The following RBMS1 variants were observed in gnomAD, a reference collection of about 807,000 sequenced individuals.
RBMS1 encodes the protein RNA-binding motif, single-stranded-interacting protein 1.
RBMS1 carries 17 observed loss-of-function variants against 62.3 expected under a neutral mutation model. The ratio of observed to expected loss-of-function variants is 0.27; its 90% CI spans 0.19 to 0.41. RBMS1 has a LOEUF of 0.41. RBMS1 is among the 10% of genes least tolerant of loss of function. The probability of loss-of-function intolerance (pLI) is 1.00; values close to 1 mark genes in which losing one functional copy is unlikely to be tolerated. For synonymous variants in RBMS1, 172 were observed against 170.0 expected (o/e 1.01, Z -0.09); for missense variants, 334 against 504.5 (o/e 0.66, Z 3.24).
intron 2 of RBMS1, among the ~76,000 whole-genome samples, chr2:160,336,088 CA>C (rs1438755262): frequency 6.6e-6 from 1 of 152,038 alleles, no homozygotes; most frequent in Non-Finnish European, 1.5e-5. Flanking sequence ...CACACACTAT[CA>C]AATTGGCAAA....
At chr2:160,412,366 G>A (rs957177177) in intron 1 of RBMS1, among the ~76,000 whole-genome samples, 6 of 152,118 alleles carry the variant, frequency 3.9e-5, no homozygotes, top group African/African-American at 1.4e-4. Context: ...AGGTTGGAAG[G>A]GTTATAAGCC....
chr2:160,400,618 TA>T (rs1205117574), intron 1 of RBMS1, among the ~76,000 whole-genome samples: 1 of 152,158 alleles, frequency 6.6e-6, no homozygotes, highest in African/African-American at 2.4e-5. Flanking sequence ...TCCTGAAAAG[TA>T]ATCTAGAATA....
chr2:160,391,630 T>G (rs1174431560), intron 1 of RBMS1, among the ~76,000 whole-genome samples: 1 of 152,194 alleles, frequency 6.6e-6, no homozygotes, highest in Non-Finnish European at 1.5e-5. Flanking sequence ...TACCATGGCC[T>G]TCTGTCTCAC....
intron 2 of RBMS1, among the ~76,000 whole-genome samples, chr2:160,349,140 C>T (rs1692344791): frequency 6.6e-6 from 1 of 152,074 alleles, no homozygotes; most frequent in Admixed American, 6.6e-5. Flanking sequence ...TTCCGAGGCT[C>T]AGCCAGGCAC....
chr2:160,312,941 T>C (rs1342110694), intron 4 of RBMS1, among the ~76,000 whole-genome samples: 2 of 152,174 alleles, frequency 1.3e-5, no homozygotes, highest in African/African-American at 4.8e-5. Context: ...AAATTTTATA[T>C]ATTTATAAAT....
chr2:160,463,368 C>A (rs922086264), intron 1 of RBMS1, among the ~76,000 whole-genome samples: 1 of 152,194 alleles, frequency 6.6e-6, no homozygotes, highest in Non-Finnish European at 1.5e-5. Flanking sequence ...TCAATTCAGG[C>A]TGATACAAGA....
chr2:160,465,946 C>T (rs1253583709), intron 1 of RBMS1, among the ~76,000 whole-genome samples: 1 of 151,850 alleles, frequency 6.6e-6, no homozygotes, highest in Non-Finnish European at 1.5e-5. Context: ...CATCTAACTT[C>T]CACACAGCCT....
At chr2:160,391,753 AGACC>A in intron 1 of RBMS1, among the ~76,000 whole-genome samples, 1 of 152,170 alleles carries the variant, frequency 6.6e-6, no homozygotes, top group Admixed American at 6.5e-5. Context: ...CAAGATGGGC[AGACC>A]ACCTGAGGTC....
intron 1 of RBMS1, among the ~76,000 whole-genome samples, chr2:160,392,112 G>C (rs1238613812): frequency 6.6e-6 from 1 of 152,156 alleles, no homozygotes; most frequent in Non-Finnish European, 1.5e-5. Flanking sequence ...CCAAACCTAT[G>C]AATCAGACCT....
chr2:160,399,834 G>A (rs546307530), intron 1 of RBMS1, among the ~76,000 whole-genome samples: 1 of 151,992 alleles, frequency 6.6e-6, no homozygotes, highest in Admixed American at 6.6e-5. Context: ...CGATAGGACC[G>A]ATAACTAAGA....
chr2:160,487,953 T>G (rs1685662557), intron 1 of RBMS1, among the ~76,000 whole-genome samples: 2 of 152,214 alleles, frequency 1.3e-5, no homozygotes, highest in Non-Finnish European at 2.9e-5. Context: ...AATATTCACA[T>G]AATTTTGTTA....
intron 2 of RBMS1, among the ~76,000 whole-genome samples, chr2:160,321,037 C>CAGAAGAAAGGCTCATTTAGG (rs1404448435): frequency 6.6e-6 from 1 of 151,908 alleles, no homozygotes; most frequent in Non-Finnish European, 1.5e-5. Flanking sequence ...GTAAACCAAA[C>CAGAAGAAAGGCTCATTTAGG]AGAAGAAAGG....
rs1041638582 is a variant in RBMS1 at position 160,303,550 on chromosome 2, CA to C, written c.403-64del. On this transcript the variant is annotated intron_variant, in intron 4 of 13. Transcript: ENST00000348849. ...AGAAGGTGAGATATTTATGTTAACA[CA>C]CCTATTTTTATTAGCTACTTTCTTT... The C allele has an allele frequency of 3.5e-5, 53 of 1,501,580 alleles. No homozygotes were observed. In the African/African-American group the frequency reaches 7.2e-4, roughly 20 times the overall value. The allele number at this position is 1,501,580 out of a possible 1,614,324, so 93.0% of individuals were successfully genotyped here.
At position 160,287,008 on chromosome 2, in the gene RBMS1, A is replaced by G; in HGVS notation, c.717T>C (p.Pro239=). Residue 239 remains proline (P), a synonymous_variant, in exon 7 of 14, where the codon CCT becomes CCC. Coordinates refer to ENST00000348849, the MANE Select transcript of RBMS1 (RefSeq NM_016836.4). ...KKRQNPNKYI[P]NGRPWHREGE... ...CTTCTCTATGCCATGGTCTTCCATT[A>G]GGGATGTATTTGTTTGGGTTCTGTC... is the stretch of plus-strand genomic sequence containing the variant. The G allele has an allele frequency of 6.2e-7, 1 of 1,610,858 alleles. No homozygotes were observed. Among genetic ancestry groups the G allele is most frequent in the African/African-American group, 1.4e-5 (1 of 73,892 alleles).
At chr2:160,486,030 T>A (rs943835625) in intron 1 of RBMS1, among the ~76,000 whole-genome samples, 127 of 152,174 alleles carry the variant, frequency 8.3e-4, no homozygotes, top group African/African-American at 3.0e-3. Flanking sequence ...ATCAATATAA[T>A]TTACTTTTCC....
At chr2:160,371,318 A>G (rs1214383756) in intron 1 of RBMS1, among the ~76,000 whole-genome samples, 1 of 152,168 alleles carries the variant, frequency 6.6e-6, no homozygotes, top group African/African-American at 2.4e-5. Flanking sequence ...TGCCTCTCAA[A>G]ACCCGGAAGC....
At chr2:160,329,269 C>G (rs1239682042) in intron 2 of RBMS1, among the ~76,000 whole-genome samples, 4 of 152,114 alleles carry the variant, frequency 2.6e-5, no homozygotes, top group African/African-American at 9.7e-5. Context: ...ATAAACATAT[C>G]CCTAGTAAAA....
chr2:160,368,084 C>T (rs1029650103), intron 1 of RBMS1, among the ~76,000 whole-genome samples: 5 of 152,144 alleles, frequency 3.3e-5, no homozygotes, highest in African/African-American at 7.2e-5. Context: ...GTTTTACAGT[C>T]GGCAGCCACC....
At chr2:160,285,148 T>TG in intron 7 of RBMS1, 104 bp from the exon 8 acceptor site, 1 of 1,118,638 alleles carries the variant, frequency 8.9e-7, no homozygotes. Context: ...TCCCAGCTGC[T>TG]GGGGAGGCTG....
Sources: gnomAD v4.1 joint callset for allele counts (sites outside exome capture counted in the v4.1 genomes callset) on GRCh38, gnomAD v4.1.1 for gene constraint, MANE v1.5 for transcripts, NCBI Gene and HGNC (gene_info 2026-07-23, HGNC 2026-07-21) for gene names.